The following SGCD variants were observed in gnomAD, a reference collection of about 807,000 sequenced individuals.
The protein encoded by SGCD is delta-sarcoglycan.
SGCD carries 18 observed loss-of-function variants against 36.6 expected under a neutral mutation model. That is an observed-to-expected ratio of 0.49 (90% CI 0.34 to 0.73). SGCD has a LOEUF of 0.73. SGCD is among the 30% of genes least tolerant of loss of function. SGCD has a pLI of 0.01. For synonymous variants in SGCD, 133 were observed against 130.6 expected (o/e 1.02, Z -0.12); for missense variants, 387 against 346.7 (o/e 1.12, Z -0.92).
chr5:156,322,715 A>C (rs1262818656), upstream of SGCD, among the ~76,000 whole-genome samples: 1 of 152,178 alleles, frequency 6.6e-6, no homozygotes, highest in Non-Finnish European at 1.5e-5. Context: ...GCTTTTCTTC[A>C]ATCTCCTAAA....
chr5:156,486,952 C>T (rs1755698532), intron 3 of SGCD, among the ~76,000 whole-genome samples: 1 of 152,146 alleles, frequency 6.6e-6, no homozygotes, highest in Non-Finnish European at 1.5e-5. Context: ...ACCACACATG[C>T]CACCCAGATG....
At chr5:156,424,719 C>T (rs1050006890) in intron 3 of SGCD, among the ~76,000 whole-genome samples, 2 of 152,052 alleles carry the variant, frequency 1.3e-5, no homozygotes, top group African/African-American at 4.8e-5. Flanking sequence ...TATGGCTGTA[C>T]TCATGGCCAT....
intron 1 of SGCD, among the ~76,000 whole-genome samples, chr5:156,008,416 T>G (rs1241746626): frequency 6.6e-6 from 1 of 152,168 alleles, no homozygotes; most frequent in Non-Finnish European, 1.5e-5. Context: ...GGCTCTGCTC[T>G]TCAGGCTGGA....
At chr5:156,098,637 T>TACAC (rs1347246031) in intron 1 of SGCD, among the ~76,000 whole-genome samples, 1 of 119,286 alleles carries the variant, frequency 8.4e-6, no homozygotes, top group Admixed American at 8.0e-5. Context: ...GTTGCATGTG[T>TACAC]ATACACACAC....
At chr5:156,304,168 C>A (rs954104277) in intron 3 of SGCD, among the ~76,000 whole-genome samples, 2 of 152,162 alleles carry the variant, frequency 1.3e-5, no homozygotes, top group African/African-American at 4.8e-5. Flanking sequence ...TTCCCTCTGG[C>A]TAATCTAAAT....
chr5:156,628,427 A>C (rs959526776), intron 6 of SGCD, among the ~76,000 whole-genome samples: 1 of 152,246 alleles, frequency 6.6e-6, no homozygotes, highest in African/African-American at 2.4e-5. Context: ...GTTCAAATTC[A>C]GTAACCCATT....
chr5:156,393,087 T>C (rs1407290429), intron 3 of SGCD, among the ~76,000 whole-genome samples: 1 of 152,170 alleles, frequency 6.6e-6, no homozygotes, highest in Non-Finnish European at 1.5e-5. Context: ...ACCCAGCACT[T>C]CCCTGCCCCG....
chr5:155,948,290 C>G (rs555364199), intron 1 of SGCD, among the ~76,000 whole-genome samples: 3 of 151,910 alleles, frequency 2.0e-5, no homozygotes, highest in African/African-American at 4.8e-5. Context: ...ACTGCTACTA[C>G]TAATAATAAT....
chr5:155,841,134 C>T, the SGCD span, among the ~76,000 whole-genome samples: 2 of 151,504 alleles, frequency 1.3e-5, no homozygotes, highest in African/African-American at 4.9e-5. Flanking sequence ...AAAACTTCCC[C>T]TTTGCCCTCT....
In SGCD at chr5:156,496,622, C is replaced by G. The variant is rs6873460; in HGVS notation, c.193-11979C>G. On this transcript the variant is annotated intron_variant, in intron 3 of 8. Transcript: ENST00000337851. ...AGATAGCTGTAATACTTGCCCCTCC[C>G]TGCTGGAAGATTGCTGTGTAGACAA... Among the ~76,000 whole-genome samples the G allele has an allele frequency of 5.6e-3, 848 of 152,216 alleles. 6 individuals carry two copies. Among genetic ancestry groups the G allele is most frequent in the African/African-American group, 0.019 (783 of 41,544 alleles).
intron 7 of SGCD, among the ~76,000 whole-genome samples, chr5:156,690,985 T>A (rs1193981209): frequency 6.6e-6 from 1 of 151,828 alleles, no homozygotes; most frequent in African/African-American, 2.4e-5. Context: ...GGTGGGTGGA[T>A]TGCTTGAGGT....
intron 1 of SGCD, among the ~76,000 whole-genome samples, chr5:156,104,747 AGT>A (rs1215083470): frequency 9.2e-5 from 14 of 152,200 alleles, no homozygotes; most frequent in African/African-American, 3.4e-4. Flanking sequence ...ATAAAATCTT[AGT>A]TCTTTCTGGG....
chr5:156,274,310 C>T (rs1324518980), intron 3 of SGCD, among the ~76,000 whole-genome samples: 2 of 152,062 alleles, frequency 1.3e-5, no homozygotes, highest in African/African-American at 2.4e-5. Flanking sequence ...GGTTTGTTCC[C>T]TTTATGACCT....
At chr5:156,583,519 G>T (rs113620938) in intron 4 of SGCD, among the ~76,000 whole-genome samples, 2 of 152,118 alleles carry the variant, frequency 1.3e-5, no homozygotes, top group African/African-American at 4.8e-5. Flanking sequence ...CTCCCACCTG[G>T]CCACTCATAT....
chr5:156,486,362 A>G (rs1159605171), intron 3 of SGCD, among the ~76,000 whole-genome samples: 1 of 152,044 alleles, frequency 6.6e-6, no homozygotes, highest in East Asian at 1.9e-4. Context: ...TTCCAAAAAC[A>G]TCAGAACTGA....
the SGCD span, among the ~76,000 whole-genome samples, chr5:155,819,202 C>G: frequency 3.9e-5 from 6 of 152,172 alleles, no homozygotes; most frequent in Non-Finnish European, 8.8e-5. Flanking sequence ...ATTTTGAGTA[C>G]ATTAAAGATT....
chr5:156,168,010 A>C (rs2127620865), intron 3 of SGCD, among the ~76,000 whole-genome samples: 1 of 152,342 alleles, frequency 6.6e-6, no homozygotes, highest in South Asian at 2.1e-4. Context: ...GCCTTGAGCA[A>C]GTGGCTTAAA....
intron 7 of SGCD, among the ~76,000 whole-genome samples, chr5:156,735,755 T>C (rs2113035533): frequency 6.6e-6 from 1 of 152,248 alleles, no homozygotes; most frequent in South Asian, 2.1e-4. Context: ...GCCCCCTGGA[T>C]TCAGCCACTT....
At chr5:155,752,160 T>G in the SGCD span, among the ~76,000 whole-genome samples, 49 of 152,322 alleles carry the variant, frequency 3.2e-4, no homozygotes, top group African/African-American at 1.2e-3. Flanking sequence ...AAGTGTCATG[T>G]TCACTTAACT....
Sources: allele counts gnomAD v4.1 joint callset (sites outside exome capture counted in the v4.1 genomes callset), GRCh38; gene constraint gnomAD v4.1.1; transcripts MANE v1.5; gene names NCBI Gene and HGNC (gene_info 2026-07-23, HGNC 2026-07-21).